The following IPO9 variants were observed in gnomAD, a reference collection of about 807,000 sequenced individuals.
IPO9 encodes the protein importin-9.
In IPO9, 28 loss-of-function variants were observed where a neutral mutation model predicts 128.6. The ratio of observed to expected loss-of-function variants is 0.22; its 90% CI spans 0.16 to 0.30. The LOEUF (loss-of-function observed/expected upper bound fraction) is 0.30, where lower values mean the gene tolerates loss of function less well. IPO9 is among the 10% of genes least tolerant of loss of function. The pLI, the probability that IPO9 is intolerant of heterozygous loss-of-function variation, is 1.00. For synonymous variants in IPO9, 455 were observed against 475.8 expected (o/e 0.96, Z 0.57); for missense variants, 935 against 1,293.9 (o/e 0.72, Z 4.26).
chr1:201,858,414 C>T (rs1680374956), intron 11 of IPO9, 33 bp from the exon 12 acceptor site: 2 of 1,224,728 alleles, frequency 1.6e-6, no homozygotes, highest in Non-Finnish European at 2.3e-6. Flanking sequence ...TTAATGGGCA[C>T]AAACAGATTT....
chr1:201,840,619 A>G (rs1336400274), intron 1 of IPO9, among the ~76,000 whole-genome samples: 3 of 152,224 alleles, frequency 2.0e-5, no homozygotes, highest in Admixed American at 6.5e-5. Flanking sequence ...TTAAAACAAA[A>G]TATTAGAAAA....
intron 3 of IPO9, 87 bp from the exon 4 acceptor site, chr1:201,848,306 T>G (rs1158334974): frequency 2.6e-6 from 3 of 1,159,890 alleles, no homozygotes; most frequent in African/African-American, 3.0e-5. Context: ...GTACTCATTG[T>G]TTTTCCAACA....
chr1:201,866,457 A>AT (rs1204230492), intron 14 of IPO9, among the ~76,000 whole-genome samples: 1 of 141,826 alleles, frequency 7.1e-6, no homozygotes, highest in Non-Finnish European at 1.5e-5. Flanking sequence ...GTTTATATAA[A>AT]TTAAGCTTGT....
chr1:201,834,770 C>T (rs1008205102), intron 1 of IPO9, among the ~76,000 whole-genome samples: 7 of 152,152 alleles, frequency 4.6e-5, no homozygotes, highest in Admixed American at 4.6e-4. Flanking sequence ...ATTTTTCTTC[C>T]CTTCTACCAC....
At chr1:201,848,643 A>G in intron 4 of IPO9, 49 bp downstream of exon 4, 1 of 1,578,152 alleles carries the variant, frequency 6.3e-7, no homozygotes, top group Non-Finnish European at 8.7e-7. Flanking sequence ...CTCAAGCGAC[A>G]GGAGTATTAC....
chr1:201,860,277 C>T (rs1301835730), intron 13 of IPO9, among the ~76,000 whole-genome samples: 1 of 152,138 alleles, frequency 6.6e-6, no homozygotes, highest in Non-Finnish European at 1.5e-5. Flanking sequence ...AATCTATTAT[C>T]GGGTGTCTCA....
At chr1:201,842,595 G>A (rs1680054131) in intron 1 of IPO9, among the ~76,000 whole-genome samples, 1 of 152,166 alleles carries the variant, frequency 6.6e-6, no homozygotes, top group African/African-American at 2.4e-5. Context: ...GAGGATTTTA[G>A]GAGCTGTTTG....
chr1:201,832,457 C>T (rs1679853028), intron 1 of IPO9, among the ~76,000 whole-genome samples: 1 of 152,126 alleles, frequency 6.6e-6, no homozygotes, highest in Non-Finnish European at 1.5e-5. Flanking sequence ...CGGAGTTTAG[C>T]CATGTTGCCC....
In IPO9 at chr1:201,882,413, CAG is replaced by C. The variant is rs947454431; in HGVS notation, c.*6362_*6363del. On this transcript the variant is annotated 3_prime_UTR_variant, in exon 24 of 24. Coordinates refer to ENST00000361565, the MANE Select transcript of IPO9 (RefSeq NM_018085.5). ...TGCCACTACACTCCAGCCTGGGCGA[CAG>C]AGCGACACTCTGCCTCAAAAAAAAA... 16 of 121,294 alleles carry C rather than the reference CAG, an allele frequency of 1.3e-4. No individual in the cohort carries two copies. The highest frequency in any genetic ancestry group is 4.7e-4 in the African/African-American group (15 of 31,910). 7.5% of individuals were successfully genotyped at this position (121,294 alleles called of 1,614,324 possible). A position where few individuals can be genotyped will look rare whatever the true frequency, so the allele number is the denominator to read the frequency against.
chr1:201,831,146 G>C (rs560905200), intron 1 of IPO9, among the ~76,000 whole-genome samples: 11 of 152,136 alleles, frequency 7.2e-5, no homozygotes, highest in African/African-American at 2.7e-4. Flanking sequence ...GGGATTACAG[G>C]CCTCAGCCAC....
At position 201,866,504 on chromosome 1, in the gene IPO9, G is replaced by A. The variant is rs561224713; in HGVS notation, c.1629-229G>A. 4.1e-5 allele frequency among the ~76,000 whole-genome samples: 6 copies of A among 146,666 alleles called. No homozygotes were observed. In the East Asian group the frequency reaches 1.2e-3, roughly 29 times the overall value. On this transcript the variant is annotated intron_variant, in intron 14 of 23. Transcript: ENST00000361565. ...AAAAAAAAAAACCTCAAGAAAAAAA[G>A]CAGAAGTTTTTAAAGAAAATAGCAA...
rs980810259 is a variant in IPO9 at position 201,881,594 on chromosome 1, A to T, written c.*5540A>T. 6.6e-6 allele frequency: 1 copy of T among 152,236 alleles called. No homozygotes were observed. The highest frequency in any genetic ancestry group is 1.5e-5 in the Non-Finnish European group (1 of 68,046). 9.4% of individuals were successfully genotyped at this position (152,236 alleles called of 1,614,324 possible). A position where few individuals can be genotyped will look rare whatever the true frequency, so the allele number is the denominator to read the frequency against. The stretch of plus-strand genomic sequence containing the variant: ...TGGCCAGAAATAAAGCTGGAAGGAC[A>T]AGTGGGGGGCAGATTGTGAAGGATC... On this transcript the variant is annotated 3_prime_UTR_variant, in exon 24 of 24. Transcript: ENST00000361565.
chr1:201,839,590 G>T (rs1206496790), intron 1 of IPO9, among the ~76,000 whole-genome samples: 2 of 147,306 alleles, frequency 1.4e-5, no homozygotes, highest in Non-Finnish European at 3.0e-5. Flanking sequence ...AAAAAGTGCT[G>T]CTATGACTGT....
At chr1:201,842,121 G>GC (rs1267572746) in intron 1 of IPO9, among the ~76,000 whole-genome samples, 1 of 152,122 alleles carries the variant, frequency 6.6e-6, no homozygotes, top group African/African-American at 2.4e-5. Context: ...GATACCAGTT[G>GC]CAAGTCTAGG....
intron 15 of IPO9, 129 bp downstream of exon 15, chr1:201,867,088 A>T (rs1290518173): frequency 1.3e-6 from 1 of 757,056 alleles, no homozygotes; most frequent in Non-Finnish European, 2.2e-6. Flanking sequence ...TAAGCAAAGA[A>T]TCTGGCTTTC....
At chr1:201,861,380 A>G (rs978265909) in intron 13 of IPO9, among the ~76,000 whole-genome samples, 1 of 152,188 alleles carries the variant, frequency 6.6e-6, no homozygotes, top group African/African-American at 2.4e-5. Flanking sequence ...TACCCTTACA[A>G]CCATTCTGTT....
chr1:201,831,583 C>G lies in IPO9; in HGVS notation c.163+2211C>G, dbSNP rs571916790. Among the ~76,000 whole-genome samples, 7 of 152,288 alleles carry G rather than the reference C, an allele frequency of 4.6e-5. No individual in the cohort carries two copies. The East Asian group carries it at 5.8e-4, about 13-fold the overall frequency. ...CGGTCTGCTTTCTTCCTCTTGTGGCCTTTAACAAGTTATCTTTGACATTGG... is the reference window on the plus strand; with the variant it reads ...CGGTCTGCTTTCTTCCTCTTGTGGCGTTTAACAAGTTATCTTTGACATTGG... On this transcript the variant is annotated intron_variant, in intron 1 of 23. Transcript: ENST00000361565.
chr1:201,876,466 C>A lies in IPO9; in HGVS notation c.*412C>A, dbSNP rs1680767247. ...AACAGACCTATCTATGTTCATAGGA[C>A]TTCTGATGTGTTCAGATAGGAATCC... On this transcript the variant is annotated 3_prime_UTR_variant, in exon 24 of 24. Coordinates refer to ENST00000361565, the MANE Select transcript of IPO9 (RefSeq NM_018085.5). 3 of 341,068 alleles carry A rather than the reference C, an allele frequency of 8.8e-6. No individual in the cohort carries two copies. The highest frequency in any genetic ancestry group is 1.7e-5 in the Non-Finnish European group (3 of 172,208). 21.1% of individuals were successfully genotyped at this position (341,068 alleles called of 1,614,324 possible).
intron 1 of IPO9, among the ~76,000 whole-genome samples, chr1:201,836,119 C>CAAAA (rs34447985): frequency 1.6e-3 from 87 of 55,336 alleles, no homozygotes; most frequent in South Asian, 2.2e-3. Context: ...GACTCCATCT[C>CAAAA]AAAAAAAAAA....
Sources: allele counts gnomAD v4.1 joint callset (sites outside exome capture counted in the v4.1 genomes callset), GRCh38; gene constraint gnomAD v4.1.1; transcripts MANE v1.5; gene names NCBI Gene and HGNC (gene_info 2026-07-23, HGNC 2026-07-21).